The following LMBR1 variants were observed in gnomAD, a reference collection of about 807,000 sequenced individuals.
The protein encoded by LMBR1 is limb development membrane protein 1.
In LMBR1, 52 loss-of-function variants were observed where a neutral mutation model predicts 73.9. The observed-to-expected ratio is 0.70, with a 90% CI of 0.56 to 0.89. The LOEUF (loss-of-function observed/expected upper bound fraction) is 0.89. Ranked by LOEUF, LMBR1 falls within the 40% of genes least tolerant of loss-of-function variation. The probability of loss-of-function intolerance (pLI) is 0.00; values close to 1 mark genes in which losing one functional copy is unlikely to be tolerated. For missense variants in LMBR1, 539 were observed against 579.8 expected (o/e 0.93, Z 0.72); for synonymous variants, 215 against 209.4 (o/e 1.03, Z -0.23).
intron 8 of LMBR1, among the ~76,000 whole-genome samples, chr7:156,760,824 C>G (rs1386849234): frequency 6.6e-6 from 1 of 152,172 alleles, no homozygotes; most frequent in African/African-American, 2.4e-5. Flanking sequence ...TATAACACTT[C>G]CTCAGTATTT....
chr7:156,771,783 A>G (rs556760546), intron 5 of LMBR1, among the ~76,000 whole-genome samples: 173 of 152,340 alleles, frequency 1.1e-3, no homozygotes, highest in African/African-American at 4.0e-3. Flanking sequence ...ACACAAAAAG[A>G]AAAAGAAAAC....
chr7:156,875,686 C>G (rs1232433491), intron 1 of LMBR1, among the ~76,000 whole-genome samples: 1 of 152,144 alleles, frequency 6.6e-6, no homozygotes, highest in Non-Finnish European at 1.5e-5. Context: ...AAACAATTAT[C>G]AGCCAAAAAT....
intron 15 of LMBR1, among the ~76,000 whole-genome samples, chr7:156,702,518 A>G (rs1275336455): frequency 6.7e-6 from 1 of 148,644 alleles, no homozygotes; most frequent in Non-Finnish European, 1.5e-5. Context: ...GATTCTGGAT[A>G]TTAGACCTTT....
chr7:156,733,298 A>C (rs540295303), intron 10 of LMBR1, among the ~76,000 whole-genome samples: 2 of 152,356 alleles, frequency 1.3e-5, no homozygotes, highest in Admixed American at 1.3e-4. Flanking sequence ...AGTGATTATG[A>C]GGTAAAAAAA....
chr7:156,807,440 A>G (rs1236026482), intron 4 of LMBR1, among the ~76,000 whole-genome samples: 1 of 152,190 alleles, frequency 6.6e-6, no homozygotes, highest in Admixed American at 6.5e-5. Flanking sequence ...AAATTTGTCC[A>G]TTTCTCTAAG....
chr7:156,752,042 G>A (rs1159691306), intron 9 of LMBR1, among the ~76,000 whole-genome samples: 3 of 152,142 alleles, frequency 2.0e-5, no homozygotes, highest in Non-Finnish European at 4.4e-5. Context: ...AGAAGTTATA[G>A]ACACAGAAAA....
chr7:156,702,991 C>T (rs1360877223), intron 15 of LMBR1, among the ~76,000 whole-genome samples: 1 of 152,160 alleles, frequency 6.6e-6, no homozygotes, highest in African/African-American at 2.4e-5. Flanking sequence ...GAATGAATCC[C>T]CCATATGGAA....
chr7:156,745,894 T>A (rs1242823372), intron 9 of LMBR1, among the ~76,000 whole-genome samples: 1 of 152,200 alleles, frequency 6.6e-6, no homozygotes, highest in Non-Finnish European at 1.5e-5. Context: ...TCACTTTACT[T>A]GTTAATATAT....
At chr7:156,714,088 G>A (rs1812678206) in intron 15 of LMBR1, among the ~76,000 whole-genome samples, 1 of 152,182 alleles carries the variant, frequency 6.6e-6, no homozygotes, top group Non-Finnish European at 1.5e-5. Context: ...ATGGCCAAAT[G>A]TCTATATACA....
At chr7:156,749,452 GGCAAAT>G (rs1336958934) in intron 9 of LMBR1, among the ~76,000 whole-genome samples, 3 of 152,160 alleles carry the variant, frequency 2.0e-5, no homozygotes, top group Admixed American at 6.5e-5. Flanking sequence ...AAAATTCCCT[GGCAAAT>G]TCAACTTGGT....
intron 1 of LMBR1, among the ~76,000 whole-genome samples, chr7:156,838,097 T>C (rs1271348537): frequency 1.3e-5 from 2 of 152,186 alleles, no homozygotes; most frequent in African/African-American, 4.8e-5. Flanking sequence ...CTAATTTTGC[T>C]TTTTTAATTG....
intron 5 of LMBR1, among the ~76,000 whole-genome samples, chr7:156,784,428 T>C (rs553805871): frequency 6.6e-6 from 1 of 152,292 alleles, no homozygotes; most frequent in East Asian, 1.9e-4. Flanking sequence ...TGGACCTTTA[T>C]GAGCATTAAC....
chr7:156,767,956 C>T (rs1824422817), intron 5 of LMBR1, among the ~76,000 whole-genome samples: 1 of 152,060 alleles, frequency 6.6e-6, no homozygotes, highest in Admixed American at 6.6e-5. Context: ...AAACAAAAAA[C>T]ATTAAATGGG....
chr7:156,730,818 T>C (rs1655144178), intron 10 of LMBR1, among the ~76,000 whole-genome samples: 1 of 152,042 alleles, frequency 6.6e-6, no homozygotes, highest in African/African-American at 2.4e-5. Flanking sequence ...GCACCTGTAA[T>C]CCCAGTTACT....
chr7:156,842,775 C>A (rs1268070379), intron 1 of LMBR1, among the ~76,000 whole-genome samples: 1 of 152,116 alleles, frequency 6.6e-6, no homozygotes, highest in Non-Finnish European at 1.5e-5. Flanking sequence ...CAAGCTAAAA[C>A]CCTCAGCAGT....
chr7:156,714,311 C>T (rs1201464336), intron 15 of LMBR1, among the ~76,000 whole-genome samples: 3 of 152,200 alleles, frequency 2.0e-5, no homozygotes, highest in African/African-American at 7.2e-5. Context: ...TACCTCATGG[C>T]AAACTTGATT....
intron 15 of LMBR1, among the ~76,000 whole-genome samples, chr7:156,691,416 C>A: frequency 6.6e-6 from 1 of 152,254 alleles, no homozygotes; most frequent in East Asian, 1.9e-4. Context: ...GAATAATGAT[C>A]TTTTTCTATT....
At chr7:156,738,972 G>A (rs963437597) in intron 9 of LMBR1, among the ~76,000 whole-genome samples, 28 of 152,280 alleles carry the variant, frequency 1.8e-4, no homozygotes, top group African/African-American at 6.5e-4. Context: ...ACTTTGTCTT[G>A]CAGCTTAGGT....
intron 3 of LMBR1, among the ~76,000 whole-genome samples, chr7:156,827,383 A>C (rs1835882242): frequency 6.6e-6 from 1 of 152,280 alleles, no homozygotes; most frequent in Non-Finnish European, 1.5e-5. Context: ...ATAAGTCAAC[A>C]AAATAATGAA....
Sources: allele counts gnomAD v4.1 joint callset (sites outside exome capture counted in the v4.1 genomes callset), GRCh38; gene constraint gnomAD v4.1.1; transcripts MANE v1.5; gene names NCBI Gene and HGNC (gene_info 2026-07-23, HGNC 2026-07-21).